CLEC16A: variants seen among roughly 807,000 people sequenced by gnomAD.
CLEC16A encodes the protein protein CLEC16A.
Under a neutral mutation model 109.5 loss-of-function variants are expected in CLEC16A, and 51 were observed. The ratio of observed to expected loss-of-function variants is 0.47; its 90% CI spans 0.37 to 0.59. CLEC16A has a LOEUF of 0.59. Among genes scored for constraint, CLEC16A ranks in the 20% least tolerant of loss-of-function variants. CLEC16A has a pLI of 0.00. For synonymous variants in CLEC16A, 673 were observed against 564.2 expected, an observed-to-expected ratio of 1.19 and a Z score of -2.73; for missense variants, 1,339 against 1,394.0, an observed-to-expected ratio of 0.96 and a Z score of 0.63.
chr16:11,087,837 G>C (rs1255184559), intron 19 of CLEC16A, among the ~76,000 whole-genome samples: 1 of 152,250 alleles, frequency 6.6e-6, no homozygotes, highest in Admixed American at 6.5e-5. Context: ...CCAGGTCACT[G>C]TGCTGCTTCC....
chr16:10,956,782 C>T (rs2042009699), intron 1 of CLEC16A, among the ~76,000 whole-genome samples: 1 of 152,004 alleles, frequency 6.6e-6, no homozygotes. Context: ...AGCACCATAG[C>T]CTCTGCAGCC....
chr16:11,151,491 T>C (rs2054289276), intron 22 of CLEC16A, among the ~76,000 whole-genome samples: 1 of 152,248 alleles, frequency 6.6e-6, no homozygotes, highest in East Asian at 1.9e-4. Context: ...GCATTGTTTC[T>C]ATCAAGTCAC....
Position 11,123,925 on chromosome 16 carries a change from A to T in CLEC16A, c.2452A>T (p.Met818Leu), listed in dbSNP as rs760969894. The change falls in exon 21 of 24, where the codon ATG (methionine) becomes TTG (leucine). Residue 818 changes from methionine to leucine, a missense_variant. Physicochemically the swap from Met to Leu is conservative, Grantham distance 15. Coordinates refer to ENST00000409790, the MANE Select transcript of CLEC16A (RefSeq NM_015226.3). The part of the protein sequence containing the change: ...LAKGRIQARR[M>L]KMQRIAALLD... Reference sequence around the variant, plus strand: ...CAAAGGCCGCATCCAGGCAAGGCGCATGAAGATGCAGAGAATAGCTGGTGA... The same window carrying T: ...CAAAGGCCGCATCCAGGCAAGGCGCTTGAAGATGCAGAGAATAGCTGGTGA... 2 of 1,611,824 alleles carry T rather than the reference A, an allele frequency of 1.2e-6. No homozygotes were observed.
intron 16 of CLEC16A, among the ~76,000 whole-genome samples, chr16:11,046,157 A>G (rs926528585): frequency 5.3e-5 from 8 of 152,218 alleles, no homozygotes; most frequent in African/African-American, 1.9e-4. Flanking sequence ...TATGTCCTCT[A>G]GAAAGCTTTT....
At chr16:11,062,736 C>G (rs552591858) in intron 19 of CLEC16A, among the ~76,000 whole-genome samples, 1 of 152,178 alleles carries the variant, frequency 6.6e-6, no homozygotes, top group East Asian at 1.9e-4. Context: ...GCAGCTGTGA[C>G]GCCTCTCTGC....
intron 12 of CLEC16A, among the ~76,000 whole-genome samples, chr16:11,021,221 G>T (rs762367395): frequency 6.6e-6 from 1 of 152,212 alleles, no homozygotes; most frequent in Non-Finnish European, 1.5e-5. Flanking sequence ...TCTTTGCTTG[G>T]CAAATGTTTC....
chr16:11,002,869 C>G (rs948762908), intron 10 of CLEC16A, among the ~76,000 whole-genome samples: 4 of 151,934 alleles, frequency 2.6e-5, no homozygotes, highest in Non-Finnish European at 5.9e-5. Flanking sequence ...TTTATCTAGT[C>G]CTCTGTTGGT....
chr16:11,064,462 G>C (rs1428438785), intron 19 of CLEC16A, among the ~76,000 whole-genome samples: 1 of 152,206 alleles, frequency 6.6e-6, no homozygotes, highest in Non-Finnish European at 1.5e-5. Flanking sequence ...ATGCCTGTGA[G>C]GCTCAGTAGC....
intron 22 of CLEC16A, chr16:11,150,153 G>T (rs1199413898): frequency 1.3e-5 from 2 of 152,226 alleles, no homozygotes; most frequent in Non-Finnish European, 2.9e-5. Context: ...CCAGCTGACA[G>T]TGTAACGTAA....
At chr16:10,971,448 G>T in intron 5 of CLEC16A, 1 of 624,948 alleles carries the variant, frequency 1.6e-6, no homozygotes, top group Non-Finnish European at 2.0e-6. Flanking sequence ...TCTTGCTCAT[G>T]CTGCTACATA....
At chr16:11,128,170 T>C (rs2160169) in intron 22 of CLEC16A, among the ~76,000 whole-genome samples, 152,338 of 152,382 alleles carry the variant, frequency 1, 76,147 homozygotes, top group Middle Eastern at 1. Flanking sequence ...CTTATTTCTG[T>C]TCTGAGCCCT....
chr16:10,978,590 C>T (rs928088102), intron 8 of CLEC16A, among the ~76,000 whole-genome samples: 2 of 152,142 alleles, frequency 1.3e-5, no homozygotes, highest in African/African-American at 2.4e-5. Context: ...GGCTTTGAGC[C>T]GGAGGGAGAC....
At chr16:10,995,107 G>C (rs780296613) in intron 10 of CLEC16A, among the ~76,000 whole-genome samples, 11 of 152,258 alleles carry the variant, frequency 7.2e-5, no homozygotes, top group Non-Finnish European at 1.0e-4. Flanking sequence ...AAAGTGTTCA[G>C]AGCCATGCTG....
chr16:10,989,400 T>G (rs1356001488), intron 10 of CLEC16A, among the ~76,000 whole-genome samples: 2 of 152,054 alleles, frequency 1.3e-5, no homozygotes, highest in African/African-American at 4.8e-5. Flanking sequence ...TTTGTTTTTT[T>G]TTGTTTTTTT....
At chr16:11,017,008 G>T (rs564617679) in intron 11 of CLEC16A, among the ~76,000 whole-genome samples, 2 of 120,368 alleles carry the variant, frequency 1.7e-5, no homozygotes, top group Non-Finnish European at 3.5e-5. Context: ...GGCGGGGGGG[G>T]GGGTGCTCCT....
chr16:11,145,530 ACTT>A (rs1307739000), intron 22 of CLEC16A, among the ~76,000 whole-genome samples: 2 of 152,250 alleles, frequency 1.3e-5, no homozygotes, highest in African/African-American at 2.4e-5. Context: ...GGGCTGGGTA[ACTT>A]CTTTAAGCAG....
intron 22 of CLEC16A, among the ~76,000 whole-genome samples, chr16:11,144,182 T>G (rs763452191): frequency 2.0e-5 from 3 of 152,148 alleles, no homozygotes; most frequent in Non-Finnish European, 2.9e-5. Context: ...TCTCTGAAAC[T>G]TGGTAGGGAA....
chr16:11,018,093 A>C (rs997013280), intron 11 of CLEC16A, among the ~76,000 whole-genome samples: 2 of 148,600 alleles, frequency 1.3e-5, no homozygotes, highest in African/African-American at 5.0e-5. Flanking sequence ...GGATCATTTG[A>C]GCTCAGAAGT....
intron 17 of CLEC16A, among the ~76,000 whole-genome samples, chr16:11,051,226 G>C (rs967459057): frequency 6.6e-6 from 1 of 152,204 alleles, no homozygotes; most frequent in South Asian, 2.1e-4. Flanking sequence ...GAGGTGGAGA[G>C]AGAATGCGAA....
Sources: gnomAD v4.1 joint callset for allele counts (sites outside exome capture counted in the v4.1 genomes callset) on GRCh38, gnomAD v4.1.1 for gene constraint, MANE v1.5 for transcripts, NCBI Gene and HGNC (gene_info 2026-07-23, HGNC 2026-07-21) for gene names.